Variants in AQP10 observed in about 807,000 individuals in gnomAD.
AQP10 encodes the protein aquaporin-10.
Under a neutral mutation model 21.0 loss-of-function variants are expected in AQP10, and 15 were observed. The observed-to-expected ratio is 0.71, with a 90% CI of 0.48 to 1.10. The LOEUF is 1.10. Among genes scored for constraint, AQP10 ranks in the 50% least tolerant of loss-of-function variants. AQP10 has a pLI of 0.00. For synonymous variants in AQP10, 143 were observed against 155.7 expected (o/e 0.92, Z 0.61); for missense variants, 268 against 379.5 (o/e 0.71, Z 2.44).
chr1:154,323,623 T>C lies in AQP10; in HGVS notation c.524T>C (p.Leu175Ser). Residue 175 changes from leucine to serine, a missense_variant, in exon 5 of 6, where the codon TTG becomes TCG. Physicochemically the swap from Leu to Ser is moderately radical, Grantham distance 145. This residue lies in a region of AQP10 where 229 missense variants were observed against 295.1 expected (regional missense o/e 0.78). Coordinates refer to ENST00000324978, the MANE Select transcript of AQP10 (RefSeq NM_080429.3). The surrounding 1 kb of genome is among the most constrained non-coding windows in gnomAD (Gnocchi z 4.5). Reference protein sequence around the residue: ...LGTGMLIVGLLAILDRRNKGV... With the variant: ...LGTGMLIVGLSAILDRRNKGV... The stretch of plus-strand genomic sequence containing the variant: ...ACTGGGATGCTGATTGTGGGGCTCT[T>C]GGCCATCCTGGACAGACGGAACAAG... 6.2e-7 allele frequency: 1 copy of C among 1,614,060 alleles called. No homozygotes were observed. The highest frequency in any genetic ancestry group is 8.5e-7 in the Non-Finnish European group (1 of 1,179,958).
rs1301377660 is a variant in AQP10, at chr1:154,323,592, C to T, written c.493C>T (p.Leu165=). The change falls in exon 5 of 6, where the codon CTG becomes TTG. Residue 165 remains leucine, a synonymous_variant. Transcript: ENST00000324978. The surrounding 1 kb of genome is among the most constrained non-coding windows in gnomAD (Gnocchi z 4.5). Reference sequence around the variant, plus strand: ...CTCTGCCTCTGTTGACTCCAAGGTTCTGGGCACTGGGATGCTGATTGTGGG... The same window carrying T: ...CTCTGCCTCTGTTGACTCCAAGGTTTTGGGCACTGGGATGCTGATTGTGGG... ...SLNNGFLDQV[L]GTGMLIVGLL... 3 of 1,613,232 alleles carry T rather than the reference C, an allele frequency of 1.9e-6. No individual in the cohort carries two copies. Among genetic ancestry groups the T allele is most frequent in the Non-Finnish European group, 2.5e-6 (3 of 1,179,260 alleles).
Position 154,324,559 on chromosome 1 carries a change from T to C in AQP10, c.*79T>C, listed in dbSNP as rs1685721342. 3 of 1,436,236 alleles carry C rather than the reference T, an allele frequency of 2.1e-6. No individual in the cohort carries two copies. Among genetic ancestry groups the C allele is most frequent in the Non-Finnish European group, 2.9e-6 (3 of 1,052,364 alleles). The allele number at this position is 1,436,236 out of a possible 1,614,324, so 89.0% of individuals were successfully genotyped here. A position where few individuals can be genotyped will look rare whatever the true frequency, so the allele number is the denominator to read the frequency against. On this transcript the variant is annotated 3_prime_UTR_variant, in exon 6 of 6. Coordinates refer to ENST00000324978, the MANE Select transcript of AQP10 (RefSeq NM_080429.3). ...CTGGGAACAACAGTCATTCTTCCTCTTTGTTAATGTGCCAGAACCTGGGAG... is the reference window on the plus strand; with the variant it reads ...CTGGGAACAACAGTCATTCTTCCTCCTTGTTAATGTGCCAGAACCTGGGAG...
chr1:154,323,295 C>T lies in AQP10; in HGVS notation c.425C>T (p.Thr142Ile), dbSNP rs1685687872. 6.2e-7 allele frequency: 1 copy of T among 1,614,204 alleles called. No individual in the cohort carries two copies. The highest frequency in any genetic ancestry group is 8.5e-7 in the Non-Finnish European group (1 of 1,180,022). Residue 142 changes from threonine (T) to isoleucine (I), a missense_variant, in exon 4 of 6, where the codon ACA becomes ATA. By Grantham distance (89) the Thr-to-Ile change is moderately conservative. This residue lies in a region of AQP10 where 229 missense variants were observed against 295.1 expected (regional missense o/e 0.78). Transcript: ENST00000324978. This position sits in a 1 kb window ranked among gnomAD's most constrained non-coding sequence, Gnocchi z 4.5. ...CTGACAGTGACTGGCCCCAAGGAGACAGCCTCCATTTTTGCCACCTATCCT... is the reference window on the plus strand; with the variant it reads ...CTGACAGTGACTGGCCCCAAGGAGATAGCCTCCATTTTTGCCACCTATCCT... ...GNLTVTGPKETASIFATYPAP... is the reference protein window; with the variant it reads ...GNLTVTGPKEIASIFATYPAP...
At position 154,321,279 on chromosome 1, in the gene AQP10, G is replaced by T; in HGVS notation, c.105+19G>T. The T allele has an allele frequency of 6.2e-7, 1 of 1,600,848 alleles. No homozygotes were observed. On this transcript the variant is annotated intron_variant, in intron 1 of 5. Transcript: ENST00000324978. ...ACTCATGGTAGGTAGGATCACTGCG[G>T]GAAGGAAAGAAGGGGGTTGGGCAAA...
At position 154,324,264 on chromosome 1, in the gene AQP10, A is replaced by C; in HGVS notation, c.708-18A>C. On this transcript the variant is annotated intron_variant, in intron 5 of 5. Transcript: ENST00000324978. ...AGGGAGTCACTCCTGATACCTTCCCACTGTCCTTCTTTTGCAGTGCTGGTA... is the reference window on the plus strand; with the variant it reads ...AGGGAGTCACTCCTGATACCTTCCCCCTGTCCTTCTTTTGCAGTGCTGGTA... 1.3e-6 allele frequency: 2 copies of C among 1,525,672 alleles called. No homozygotes were observed. The highest frequency in any genetic ancestry group is 1.8e-6 in the Non-Finnish European group (2 of 1,141,750). 94.5% of individuals were successfully genotyped at this position (1,525,672 alleles called of 1,614,324 possible). A position where few individuals can be genotyped will look rare whatever the true frequency, so the allele number is the denominator to read the frequency against.
At position 154,322,031 on chromosome 1, in the gene AQP10, A is replaced by G. The variant is rs201098812; in HGVS notation, c.204A>G (p.Ile68Met). ...MFLAGSLAVT[I>M]AIYVGGNVSG... ...TGGCTGGCTCTCTGGCCGTTACGAT[A>G]GCCATCTACGTGGGTGGTAACGTCT... Residue 68 changes from isoleucine to methionine, a missense_variant, in exon 2 of 6, where the codon ATA becomes ATG. Transcript: ENST00000324978. 4 of 1,613,724 alleles carry G rather than the reference A, an allele frequency of 2.5e-6. No individual in the cohort carries two copies. Among genetic ancestry groups the G allele is most frequent in the Non-Finnish European group, 3.4e-6 (4 of 1,179,814 alleles).
chr1:154,323,420 T>C lies in AQP10; in HGVS notation c.489+61T>C. On this transcript the variant is annotated intron_variant, in intron 4 of 5. Coordinates refer to ENST00000324978, the MANE Select transcript of AQP10 (RefSeq NM_080429.3). The surrounding 1 kb of genome is among the most constrained non-coding windows in gnomAD (Gnocchi z 4.5). ...GGTCCTGTTCCTCGGCACCCCAGCC[T>C]ATTGTTCAGTCTCTGGGTGGAGTGT... 1 of 1,553,600 alleles carries C rather than the reference T, an allele frequency of 6.4e-7. No individual in the cohort carries two copies. The highest frequency in any genetic ancestry group is 8.8e-7 in the Non-Finnish European group (1 of 1,130,082).
At position 154,324,422 on chromosome 1, in the gene AQP10, A is replaced by G; in HGVS notation, c.848A>G (p.His283Arg). 6.2e-7 allele frequency: 1 copy of G among 1,613,706 alleles called. No homozygotes were observed. Among genetic ancestry groups the G allele is most frequent in the East Asian group, 2.2e-5 (1 of 44,870 alleles). The stretch of plus-strand genomic sequence containing the variant: ...GCTCAGGATCTGGTGTCTGCTCAAC[A>G]CAAAGCCTCAGAGTTGGAAACTCCT... ...EPAQDLVSAQ[H>R]KASELETPAS... is the part of the protein sequence containing the mutation. The change falls in exon 6 of 6, where the codon CAC becomes CGC. Residue 283 changes from histidine (H) to arginine (R), a missense_variant. By Grantham distance (29) the His-to-Arg change is conservative (BLOSUM62 0). This residue lies in a region of AQP10 where 229 missense variants were observed against 295.1 expected (regional missense o/e 0.78). Coordinates refer to ENST00000324978, the MANE Select transcript of AQP10 (RefSeq NM_080429.3).
Position 154,324,432 on chromosome 1 carries a change from A to G in AQP10, c.858A>G (p.Ser286=). 1.2e-6 allele frequency: 2 copies of G among 1,613,732 alleles called. No individual in the cohort carries two copies. Among genetic ancestry groups the G allele is most frequent in the South Asian group, 2.2e-5 (2 of 91,080 alleles). Reference sequence around the variant, plus strand: ...TGGTGTCTGCTCAACACAAAGCCTCAGAGTTGGAAACTCCTGCCTCAGCTC... The same window carrying G: ...TGGTGTCTGCTCAACACAAAGCCTCGGAGTTGGAAACTCCTGCCTCAGCTC... The part of the protein sequence containing the change: ...QDLVSAQHKA[S]ELETPASAQM... Residue 286 remains serine, a synonymous_variant, in exon 6 of 6, where the codon TCA becomes TCG. Coordinates refer to ENST00000324978, the MANE Select transcript of AQP10 (RefSeq NM_080429.3).
rs1013553576 is a variant in AQP10, at chr1:154,324,765, G to A, written c.*285G>A. The A allele has an allele frequency of 9.8e-6, 3 of 304,864 alleles. No homozygotes were observed. The highest frequency in any genetic ancestry group is 9.8e-5 in the Admixed American group (2 of 20,406). 18.9% of individuals were successfully genotyped at this position (304,864 alleles called of 1,614,324 possible). The stretch of plus-strand genomic sequence containing the variant: ...TTGCTCGAGGTAACCGCTAGAGGGT[G>A]CGCACCTGGATGCTGGATGGGGACG... On this transcript the variant is annotated 3_prime_UTR_variant, in exon 6 of 6. Coordinates refer to ENST00000324978, the MANE Select transcript of AQP10 (RefSeq NM_080429.3).
At chr1:154,322,489 CTTTTTT>C (rs5777905) in intron 2 of AQP10, among the ~76,000 whole-genome samples, 2 of 117,858 alleles carry the variant, frequency 1.7e-5, no homozygotes, top group Non-Finnish European at 3.4e-5. Flanking sequence ...GTGTCTTCTT[CTTTTTT>C]TTTTTTTTTT....
Position 154,321,184 on chromosome 1 carries a change from T to C in AQP10, c.29T>C (p.Ile10Thr). Residue 10 changes from isoleucine (I) to threonine (T), a missense_variant, in exon 1 of 6, where the codon ATC becomes ACC. Transcript: ENST00000324978. MVFTQAPAEIMGHLRIRSLL... is the reference protein window; with the variant it reads MVFTQAPAETMGHLRIRSLL... ...GTCTTCACTCAGGCCCCGGCTGAAA[T>C]CATGGGCCACCTCCGGATACGCAGC... is the stretch of plus-strand genomic sequence containing the variant. 1 of 1,613,878 alleles carries C rather than the reference T, an allele frequency of 6.2e-7. No individual in the cohort carries two copies.
rs1187713130 is a variant in AQP10, at chr1:154,325,218, CCACTT to C, written c.*740_*744del. ...CGCCAGGGAAAATTCTGGTTATTCACCACTTCTACAGCTCTCCTGCCGCTCCCTGC... is the reference window on the plus strand; with the variant it reads ...CGCCAGGGAAAATTCTGGTTATTCACCTACAGCTCTCCTGCCGCTCCCTGC... On this transcript the variant is annotated 3_prime_UTR_variant, in exon 6 of 6. Coordinates refer to ENST00000324978, the MANE Select transcript of AQP10 (RefSeq NM_080429.3). The C allele has an allele frequency of 2.0e-5, 3 of 152,178 alleles. No individual in the cohort carries two copies. Among genetic ancestry groups the C allele is most frequent in the Non-Finnish European group, 4.4e-5 (3 of 68,066 alleles). 9.4% of individuals were successfully genotyped at this position (152,178 alleles called of 1,614,324 possible).
At chr1:154,322,762 TGC>T (rs1460740370) in intron 2 of AQP10, among the ~76,000 whole-genome samples, 1 of 152,120 alleles carries the variant, frequency 6.6e-6, no homozygotes, top group African/African-American at 2.4e-5. Flanking sequence ...CCTCCCAAAG[TGC>T]TGGGATTACA....
chr1:154,322,160 C>T, intron 2 of AQP10, 101 bp downstream of exon 2: 1 of 1,520,730 alleles, frequency 6.6e-7, no homozygotes, highest in Non-Finnish European at 8.9e-7. Context: ...GACTCGTGGA[C>T]ATTATCCCCT....
intron 2 of AQP10, 116 bp downstream of exon 2, chr1:154,322,175 C>G (rs1030806127): frequency 4.1e-6 from 6 of 1,477,750 alleles, no homozygotes; most frequent in East Asian, 5.1e-5. Flanking sequence ...TCCCCTTGAA[C>G]AGTGTCCCAG....
rs377590602 is a variant in AQP10 at position 154,323,778 on chromosome 1, G to A, written c.679G>A (p.Val227Met). 20 of 1,614,038 alleles carry A rather than the reference G, an allele frequency of 1.2e-5. No individual in the cohort carries two copies. Among genetic ancestry groups the A allele is most frequent in the African/African-American group, 1.1e-4 (8 of 74,916 alleles). The change falls in exon 5 of 6, where the codon GTG (valine) becomes ATG (methionine). Residue 227 changes from valine (V) to methionine (M), a missense_variant. Transcript: ENST00000324978. This position sits in a 1 kb window ranked among gnomAD's most constrained non-coding sequence, Gnocchi z 4.5. The stretch of plus-strand genomic sequence containing the variant: ...CCTGGGCCCACGTCTCTTCACCTAC[G>A]TGGCTGGCTGGGGTCCTGAAGTCTT... ...RDLGPRLFTY[V>M]AGWGPEVFSA...
rs1361424994 is a variant in AQP10 at position 154,325,163 on chromosome 1, G to A, written c.*683G>A. 6.6e-6 allele frequency: 1 copy of A among 152,360 alleles called. No individual in the cohort carries two copies. Among genetic ancestry groups the A allele is most frequent in the Non-Finnish European group, 1.5e-5 (1 of 68,212 alleles). 9.4% of individuals were successfully genotyped at this position (152,360 alleles called of 1,614,324 possible). On this transcript the variant is annotated 3_prime_UTR_variant, in exon 6 of 6. Transcript: ENST00000324978. ...AGGAACGGAGGGCGGGCGGCTCCGA[G>A]GAGCGAGAGTCGGGCTGAGGGCAAC...
chr1:154,323,923 G>C lies in AQP10; in HGVS notation c.707+117G>C, dbSNP rs866124464. Reference sequence around the variant, plus strand: ...AGCTCTCTTGGCTTCTTAGGACAGTGTTCTTTCTCCAAGTCATATTCTCCC... The same window carrying C: ...AGCTCTCTTGGCTTCTTAGGACAGTCTTCTTTCTCCAAGTCATATTCTCCC... On this transcript the variant is annotated intron_variant, in intron 5 of 5. Transcript: ENST00000324978. The surrounding 1 kb of genome is among the most constrained non-coding windows in gnomAD (Gnocchi z 4.5). 6 of 1,498,598 alleles carry C rather than the reference G, an allele frequency of 4.0e-6. 1 individual carries two copies. The Middle Eastern group carries it at 1.1e-3, about 270-fold the overall frequency. 92.8% of individuals were successfully genotyped at this position (1,498,598 alleles called of 1,614,324 possible).
Sources: gnomAD v4.1 joint callset for allele counts (sites outside exome capture counted in the v4.1 genomes callset) on GRCh38, gnomAD v4.1.1 for gene constraint, gnomAD v4.1.1 regional missense constraint, Gnocchi (gnomAD v3.1) non-coding constraint, MANE v1.5 for transcripts, NCBI Gene and HGNC (gene_info 2026-07-23, HGNC 2026-07-21) for gene names.